The following EVC2 variants were observed in gnomAD, a reference collection of about 807,000 sequenced individuals.
The protein encoded by EVC2 is EvC ciliary complex subunit 2, also known as limbin.
EVC2 carries 148 observed loss-of-function variants against 149.3 expected under a neutral mutation model. That is an observed-to-expected ratio of 0.99 (90% confidence interval 0.87 to 1.14). EVC2 has a LOEUF of 1.14. EVC2 is among the 50% of genes most tolerant of loss of function. The probability of loss-of-function intolerance (pLI) is 0.00; values close to 1 mark genes in which losing one functional copy is unlikely to be tolerated. For missense variants in EVC2, 1,854 were observed against 1,627.3 expected, an observed-to-expected ratio of 1.14 and a Z score of -2.40; for synonymous variants, 776 against 649.9, an observed-to-expected ratio of 1.19 and a Z score of -2.95.
chr4:5,586,039 T>G lies in EVC2; in HGVS notation c.2830-1189A>C, dbSNP rs142722874. On this transcript the variant is annotated intron_variant, in intron 16 of 21. Coordinates refer to ENST00000344408, the MANE Select transcript of EVC2 (RefSeq NM_147127.5). ...ACCACACCCAGCTAATTTTTGTAATTTTAGTAGAGATGGGGTTTCACCATG... is the reference window on the plus strand; with the variant it reads ...ACCACACCCAGCTAATTTTTGTAATGTTAGTAGAGATGGGGTTTCACCATG... 5.1e-3 allele frequency among the ~76,000 whole-genome samples: 777 copies of G among 152,106 alleles called. 8 individuals carry two copies. The highest frequency in any genetic ancestry group is 0.018 in the African/African-American group (731 of 41,486).
chr4:5,586,103 C>G (rs1001897349), intron 16 of EVC2, among the ~76,000 whole-genome samples: 1 of 152,160 alleles, frequency 6.6e-6, no homozygotes, highest in African/African-American at 2.4e-5. Context: ...CTCAAGTGAT[C>G]TACCCACCTC....
At chr4:5,674,913 G>A (rs1269493096) in intron 7 of EVC2, among the ~76,000 whole-genome samples, 2 of 152,174 alleles carry the variant, frequency 1.3e-5, no homozygotes, top group African/African-American at 4.8e-5. Context: ...TAGGGCAATG[G>A]TCAGTGGGCT....
rs1200873473 is a variant in EVC2 at position 5,657,425 on chromosome 4, G to A, written c.1145+5682C>T. Among the ~76,000 whole-genome samples, 16 of 152,036 alleles carry A rather than the reference G, an allele frequency of 1.1e-4. No homozygotes were observed. Among genetic ancestry groups the A allele is most frequent in the Non-Finnish European group, 1.9e-4 (13 of 68,018 alleles). ...CATCAAACAGAATCTCCCTGCAAGAGTGTCCCAGCCACAGGACATCCTTGG... is the reference window on the plus strand; with the variant it reads ...CATCAAACAGAATCTCCCTGCAAGAATGTCCCAGCCACAGGACATCCTTGG... On this transcript the variant is annotated intron_variant, in intron 9 of 21. Coordinates refer to ENST00000344408, the MANE Select transcript of EVC2 (RefSeq NM_147127.5). The surrounding 1 kb of genome is among the most constrained non-coding windows in gnomAD (Gnocchi z 4.7).
chr4:5,610,211 T>A (rs1051847977), intron 16 of EVC2, among the ~76,000 whole-genome samples: 3 of 152,202 alleles, frequency 2.0e-5, no homozygotes, highest in African/African-American at 7.2e-5. Flanking sequence ...GGTACTCATA[T>A]GTAGAACTCA....
intron 16 of EVC2, among the ~76,000 whole-genome samples, chr4:5,589,582 C>T (rs1712601191): frequency 6.6e-6 from 1 of 152,108 alleles, no homozygotes; most frequent in African/African-American, 2.4e-5. Flanking sequence ...CCTAGTAGAC[C>T]TGCTGGGTTC....
the EVC2 span, among the ~76,000 whole-genome samples, chr4:5,537,240 A>C: frequency 6.6e-6 from 1 of 152,172 alleles, no homozygotes; most frequent in African/African-American, 2.4e-5. Context: ...TGCAGGGCAG[A>C]GTTTTGGAGA....
intron 9 of EVC2, among the ~76,000 whole-genome samples, chr4:5,642,664 CA>C (rs1225756194): frequency 6.6e-6 from 1 of 152,206 alleles, no homozygotes; most frequent in African/African-American, 2.4e-5. Context: ...AGTCTCCTGG[CA>C]CATCCAGACA....
chr4:5,663,101 T>C lies in EVC2; in HGVS notation c.1145+6A>G. 6.2e-7 allele frequency: 1 copy of C among 1,614,066 alleles called. No homozygotes were observed. The highest frequency in any genetic ancestry group is 8.5e-7 in the Non-Finnish European group (1 of 1,179,956). ...GTGTAAGTATAATGGGATTTAGAATTCTTACTCTTCTAAGGCTTGAAGCAT... is the reference window on the plus strand; with the variant it reads ...GTGTAAGTATAATGGGATTTAGAATCCTTACTCTTCTAAGGCTTGAAGCAT... On this transcript the variant is annotated splice_donor_region_variant and intron_variant, in intron 9 of 21. Coordinates refer to ENST00000344408, the MANE Select transcript of EVC2 (RefSeq NM_147127.5).
At chr4:5,703,534 A>T (rs1289472153) in intron 1 of EVC2, among the ~76,000 whole-genome samples, 1 of 152,180 alleles carries the variant, frequency 6.6e-6, no homozygotes, top group African/African-American at 2.4e-5. Flanking sequence ...GTCAGAACTC[A>T]CACTTCTAGA....
In EVC2 at chr4:5,622,931, C is replaced by A; in HGVS notation, c.2107G>T (p.Ala703Ser). The A allele has an allele frequency of 6.2e-7, 1 of 1,614,180 alleles. No homozygotes were observed. The highest frequency in any genetic ancestry group is 8.5e-7 in the Non-Finnish European group (1 of 1,180,034). The change falls in exon 14 of 22, where the codon GCC (alanine) becomes TCC (serine). Residue 703 changes from alanine to serine, a missense_variant. Physicochemically the swap from Ala to Ser is moderately conservative, Grantham distance 99 (BLOSUM62 1). Transcript: ENST00000344408. This position sits in a 1 kb window ranked among gnomAD's most constrained non-coding sequence, Gnocchi z 5.8. ...CTCTTCTGGTGCAGGTACTGGCCGG[C>A]ATCCTCAACCGTTCGGAAGGCCTCG... is the stretch of plus-strand genomic sequence containing the variant. ...VGEAFRTVED[A>S]GQYLHQKRSL...
intron 14 of EVC2, among the ~76,000 whole-genome samples, chr4:5,620,710 G>A (rs1715627270): frequency 6.6e-6 from 1 of 152,148 alleles, no homozygotes; most frequent in African/African-American, 2.4e-5. Context: ...TTCTCTGATA[G>A]CCAAGTGAGA....
chr4:5,637,095 C>T lies in EVC2; in HGVS notation c.1470+3419G>A, dbSNP rs1036604857. Among the ~76,000 whole-genome samples, 2 of 152,158 alleles carry T rather than the reference C, an allele frequency of 1.3e-5. No homozygotes were observed. The highest frequency in any genetic ancestry group is 2.9e-5 in the Non-Finnish European group (2 of 68,026). On this transcript the variant is annotated intron_variant, in intron 10 of 21. Transcript: ENST00000344408. The surrounding 1 kb of genome is among the most constrained non-coding windows in gnomAD (Gnocchi z 4.4). ...GGCTGCAGAAAAGCCCTGGAGAGAGCAGGGTCAGGAAGCCCTGAGGAGGAG... is the reference window on the plus strand; with the variant it reads ...GGCTGCAGAAAAGCCCTGGAGAGAGTAGGGTCAGGAAGCCCTGAGGAGGAG...
chr4:5,667,552 C>A (rs1719360779), intron 7 of EVC2, among the ~76,000 whole-genome samples: 1 of 152,124 alleles, frequency 6.6e-6, no homozygotes, highest in South Asian at 2.1e-4. Flanking sequence ...AGGCCACCTG[C>A]ATACAATCCC....
At chr4:5,571,769 G>A (rs1009511826) in intron 19 of EVC2, among the ~76,000 whole-genome samples, 27 of 152,300 alleles carry the variant, frequency 1.8e-4, no homozygotes, top group Admixed American at 1.7e-3. Context: ...GTTCAGTTGA[G>A]CATTCCTCTT....
Position 5,613,782 on chromosome 4 carries a change from C to CTA in EVC2, c.2829+1638_2829+1639dup, listed in dbSNP as rs1347457871. On this transcript the variant is annotated intron_variant, in intron 16 of 21. Transcript: ENST00000344408. This position sits in a 1 kb window ranked among gnomAD's most constrained non-coding sequence, Gnocchi z 4.6. ...AAGATGACATTTTGCCTCTATCTGCCTAATCTTTGTCTTGCTGTTCAATTT... is the reference window on the plus strand; with the variant it reads ...AAGATGACATTTTGCCTCTATCTGCCTATAATCTTTGTCTTGCTGTTCAATTT... Among the ~76,000 whole-genome samples the CTA allele has an allele frequency of 6.6e-6, 1 of 152,084 alleles. No individual in the cohort carries two copies. Among genetic ancestry groups the CTA allele is most frequent in the African/African-American group, 2.4e-5 (1 of 41,402 alleles).
rs539651928 is a variant in EVC2, at chr4:5,574,873, A to G, written c.3273-101T>C. ...TAACAAAGAAGCACACATCTCAGCC[A>G]TATGATTTTAAAAATATGTCCATAG... is the stretch of plus-strand genomic sequence containing the variant. On this transcript the variant is annotated intron_variant, in intron 18 of 21. Coordinates refer to ENST00000344408, the MANE Select transcript of EVC2 (RefSeq NM_147127.5). 7.8e-5 allele frequency: 95 copies of G among 1,218,166 alleles called. No homozygotes were observed. In the East Asian group the frequency reaches 1.8e-3, roughly 23 times the overall value. The allele number at this position is 1,218,166 out of a possible 1,614,324, so 75.5% of individuals were successfully genotyped here.
At chr4:5,683,378 C>T (rs958779480) in intron 6 of EVC2, among the ~76,000 whole-genome samples, 2 of 152,224 alleles carry the variant, frequency 1.3e-5, no homozygotes, top group African/African-American at 4.8e-5. Flanking sequence ...AGCTTGTCTT[C>T]AGCTCTTTGT....
At chr4:5,565,672 CAA>C (rs949664571) in intron 20 of EVC2, among the ~76,000 whole-genome samples, 31 of 81,680 alleles carry the variant, frequency 3.8e-4, no homozygotes, top group Admixed American at 7.0e-4. Context: ...GACTCCATCT[CAA>C]AAAAAAAAAA....
rs956937475 is a variant in EVC2 at position 5,657,201 on chromosome 4, C to G, written c.1145+5906G>C. 1.3e-5 allele frequency among the ~76,000 whole-genome samples: 2 copies of G among 152,180 alleles called. No individual in the cohort carries two copies. Among genetic ancestry groups the G allele is most frequent in the African/African-American group, 2.4e-5 (1 of 41,448 alleles). ...TCTGGGTTTCTCTAGTAAGCCACTT[C>G]CCCGTGGTCAGGACTGCTTCACACT... is the stretch of plus-strand genomic sequence containing the variant. On this transcript the variant is annotated intron_variant, in intron 9 of 21. Transcript: ENST00000344408. The surrounding 1 kb of genome is among the most constrained non-coding windows in gnomAD (Gnocchi z 4.7).
Sources: allele counts gnomAD v4.1 joint callset (sites outside exome capture counted in the v4.1 genomes callset), GRCh38; gene constraint gnomAD v4.1.1; non-coding constraint Gnocchi (gnomAD v3.1); transcripts MANE v1.5; gene names NCBI Gene and HGNC (gene_info 2026-07-23, HGNC 2026-07-21).